PPP1R3F: variants seen among roughly 807,000 people sequenced by gnomAD.
The protein encoded by PPP1R3F is protein phosphatase 1, regulatory (inhibitor) subunit 3F.
PPP1R3F carries 29 observed loss-of-function variants against 24.2 expected under a neutral mutation model. The ratio of observed to expected loss-of-function variants is 1.20; its 90% CI spans 0.89 to 1.63. PPP1R3F has a LOEUF of 1.63. Among genes scored for constraint, PPP1R3F ranks in the 40% most tolerant of loss-of-function variants. The pLI, the probability that PPP1R3F is intolerant of heterozygous loss-of-function variation, is 0.00. For synonymous variants in PPP1R3F, 363 were observed against 340.1 expected (o/e 1.07, Z -0.74); for missense variants, 823 against 729.3 (o/e 1.13, Z -1.48).
At chrX:49,282,443 C>CTGTGTGTGTGTGTGTG (rs545507997) in intron 3 of PPP1R3F, among the ~76,000 whole-genome samples, 2 of 73,950 alleles carry the variant, frequency 2.7e-5, no homozygotes, top group Non-Finnish European at 5.0e-5. Flanking sequence ...GTGAGAGACT[C>CTGTGTGTGTGTGTGTG]TGTGTGTGTG....
rs1224144385 is a variant in PPP1R3F at position 49,270,119 on chromosome X, G to A, written c.250G>A (p.Asp84Asn). 7.7e-6 allele frequency: 8 copies of A among 1,039,080 alleles called. No individual in the cohort carries two copies. The highest frequency in any genetic ancestry group is 9.8e-6 in the Non-Finnish European group (8 of 815,083). The allele number at this position is 1,039,080 out of a possible 1,213,427, so 85.6% of individuals were successfully genotyped here. ...CGGCGGCGGGGCCGACGAGGACGAC[G>A]ATGGCGAGGATGGGGATGAAGGGGA... is the stretch of plus-strand genomic sequence containing the variant. ...GGGGGADEDDDGEDGDEGEEE... is the reference protein window; with the variant it reads ...GGGGGADEDDNGEDGDEGEEE... Residue 84 changes from aspartate to asparagine, a missense_variant, in exon 1 of 4, where the codon GAT becomes AAT. Physicochemically the swap from Asp to Asn is conservative, Grantham distance 23. Coordinates refer to ENST00000055335, the MANE Select transcript of PPP1R3F (RefSeq NM_033215.5).
intron 1 of PPP1R3F, among the ~76,000 whole-genome samples, chrX:49,271,692 A>G (rs781863019): frequency 9.8e-5 from 11 of 112,772 alleles, no homozygotes; most frequent in Non-Finnish European, 1.9e-4. Flanking sequence ...AAGCCTGTGC[A>G]CTCTACTGTT....
At chrX:49,280,670 C>A (rs1170250314) in intron 1 of PPP1R3F, 1 of 110,012 alleles carries the variant, frequency 9.1e-6, no homozygotes, top group Non-Finnish European at 1.9e-5. Context: ...CTCGGCCTCC[C>A]AAGTAGTTGG....
Position 49,270,397 on chromosome X carries a change from G to T in PPP1R3F, c.528G>T (p.Glu176Asp). The change falls in exon 1 of 4, where the codon GAG becomes GAT. Residue 176 changes from glutamate to aspartate, a missense_variant. Coordinates refer to ENST00000055335, the MANE Select transcript of PPP1R3F (RefSeq NM_033215.5). ...TACGCGTGCTGAACCGCTCCTTCGA[G>T]AAGGCGGTGCACGTGCGGGCCTCAC... Reference protein sequence around the residue: ...GLVRVLNRSFEKAVHVRASHD... With the variant: ...GLVRVLNRSFDKAVHVRASHD... 1 of 1,171,307 alleles carries T rather than the reference G, an allele frequency of 8.5e-7. No individual in the cohort carries two copies. Among genetic ancestry groups the T allele is most frequent in the Non-Finnish European group, 1.1e-6 (1 of 881,182 alleles).
intron 3 of PPP1R3F, among the ~76,000 whole-genome samples, chrX:49,293,504 T>C (rs149771508): frequency 0.023 from 2,557 of 111,812 alleles, 25 homozygotes; most frequent in Non-Finnish European, 0.036. Context: ...AATGCATAAG[T>C]AAATTATGCT....
intron 3 of PPP1R3F, among the ~76,000 whole-genome samples, chrX:49,282,767 G>A (rs1476809749): frequency 9.1e-6 from 1 of 109,763 alleles, no homozygotes; most frequent in Admixed American, 9.8e-5. Context: ...AGATTGGGTG[G>A]TGCCTCACAG....
At chrX:49,279,916 A>G (rs1448699275) in intron 1 of PPP1R3F, among the ~76,000 whole-genome samples, 1 of 112,324 alleles carries the variant, frequency 8.9e-6, no homozygotes, top group Non-Finnish European at 1.9e-5. Context: ...GGCTTATGCC[A>G]CTCAGGGATC....
intron 1 of PPP1R3F, among the ~76,000 whole-genome samples, chrX:49,278,484 A>G (rs1323401553): frequency 8.9e-6 from 1 of 112,442 alleles, no homozygotes; most frequent in Non-Finnish European, 1.9e-5. Context: ...TGTGAGACCA[A>G]GCTGGTTTGC....
chrX:49,291,478 C>A (rs1557122373), downstream of PPP1R3F, among the ~76,000 whole-genome samples: 1 of 108,369 alleles, frequency 9.2e-6, no homozygotes, highest in South Asian at 4.1e-4. Context: ...CAGGCATGCA[C>A]CACCATGCCC....
Position 49,285,995 on chromosome X carries a change from A to G in PPP1R3F, c.1305A>G (p.Ser435=). 8.4e-7 allele frequency: 1 copy of G among 1,192,520 alleles called. No individual in the cohort carries two copies. The highest frequency in any genetic ancestry group is 1.8e-5 in the South Asian group (1 of 54,259). ...GTGGCTCCCCCAGAGACCAGGCCTC[A>G]GGGCCCGATGCGAGCGAGGGGGCCA... ...GLGGSPRDQA[S]GPDASEGATG... Residue 435 remains serine, a synonymous_variant, in exon 4 of 4, where the codon TCA becomes TCG. Transcript: ENST00000055335.
rs1403782308 is a variant in PPP1R3F at position 49,286,287 on chromosome X, G to A, written c.1597G>A (p.Asp533Asn). ...SHPLGILTDR[D>N]LILKWPGPER... ...TCCCCTGGGCATACTGACGGACCGC[G>A]ACCTGATCTTGAAGTGGCCTGGCCC... The change falls in exon 4 of 4, where the codon GAC becomes AAC. Residue 533 changes from aspartate (D) to asparagine (N), a missense_variant. Coordinates refer to ENST00000055335, the MANE Select transcript of PPP1R3F (RefSeq NM_033215.5). 2.5e-6 allele frequency: 3 copies of A among 1,211,170 alleles called. No individual in the cohort carries two copies. Among genetic ancestry groups the A allele is most frequent in the East Asian group, 3.0e-5 (1 of 33,818 alleles).
In PPP1R3F at chrX:49,286,137, A is replaced by G; in HGVS notation, c.1447A>G (p.Thr483Ala). The change falls in exon 4 of 4, where the codon ACC (threonine) becomes GCC (alanine). Residue 483 changes from threonine (T) to alanine (A), a missense_variant. By Grantham distance (58) the Thr-to-Ala change is moderately conservative (BLOSUM62 0). Transcript: ENST00000055335. ...SGSEELLGED[T>A]IDQELEQLYL... ...GTCAGAGGAGCTGCTCGGTGAGGAC[A>G]CCATCGACCAGGAGCTGGAGCAGCT... 2 of 1,175,753 alleles carry G rather than the reference A, an allele frequency of 1.7e-6. No individual in the cohort carries two copies. The highest frequency in any genetic ancestry group is 2.3e-6 in the Non-Finnish European group (2 of 875,756).
chrX:49,297,828 C>CTTTTTTTT (rs61353822), intron 3 of PPP1R3F, among the ~76,000 whole-genome samples: 10 of 19,617 alleles, frequency 5.1e-4, no homozygotes, highest in African/African-American at 8.9e-4. Flanking sequence ...GCAACCCCTG[C>CTTTTTTTT]TTTTTTTTTT....
intron 3 of PPP1R3F, among the ~76,000 whole-genome samples, chrX:49,285,044 T>A (rs183752634): frequency 0.038 from 4,216 of 111,567 alleles, 142 homozygotes; most frequent in African/African-American, 0.11. Flanking sequence ...TTATTTTTTT[T>A]AAAATTTTTT....
chrX:49,282,441 CTCTGTGTGTG>C (rs2066254888), intron 3 of PPP1R3F, among the ~76,000 whole-genome samples: 1 of 54,820 alleles, frequency 1.8e-5, no homozygotes, highest in East Asian at 5.9e-4. Flanking sequence ...GGGTGAGAGA[CTCTGTGTGTG>C]TGTGTGTGTG....
chrX:49,297,828 C>CTTTTTTTTTTT (rs61353822), intron 3 of PPP1R3F, among the ~76,000 whole-genome samples: 7 of 19,611 alleles, frequency 3.6e-4, no homozygotes, highest in Admixed American at 1.0e-3. Flanking sequence ...GCAACCCCTG[C>CTTTTTTTTTTT]TTTTTTTTTT....
At chrX:49,281,693 T>G (rs1602710346) in intron 2 of PPP1R3F, among the ~76,000 whole-genome samples, 1 of 107,256 alleles carries the variant, frequency 9.3e-6, no homozygotes, top group Non-Finnish European at 1.9e-5. Context: ...ACGGGCATGC[T>G]GGCATGCATC....
In PPP1R3F at chrX:49,270,396, A is replaced by T; in HGVS notation, c.527A>T (p.Glu176Val). 1 of 1,170,420 alleles carries T rather than the reference A, an allele frequency of 8.5e-7. No homozygotes were observed. The highest frequency in any genetic ancestry group is 1.1e-6 in the Non-Finnish European group (1 of 880,811). ...GLVRVLNRSF[E>V]KAVHVRASHD... ...GTACGCGTGCTGAACCGCTCCTTCGAGAAGGCGGTGCACGTGCGGGCCTCA... is the reference window on the plus strand; with the variant it reads ...GTACGCGTGCTGAACCGCTCCTTCGTGAAGGCGGTGCACGTGCGGGCCTCA... Residue 176 changes from glutamate to valine, a missense_variant, in exon 1 of 4, where the codon GAG becomes GTG. Glu to Val is a moderately radical substitution (Grantham distance 121, BLOSUM62 -2). Coordinates refer to ENST00000055335, the MANE Select transcript of PPP1R3F (RefSeq NM_033215.5).
chrX:49,270,633 A>T lies in PPP1R3F; in HGVS notation c.764A>T (p.Asp255Val), dbSNP rs1557118997. The change falls in exon 1 of 4, where the codon GAT becomes GTT. Residue 255 changes from aspartate (D) to valine (V), a missense_variant. Coordinates refer to ENST00000055335, the MANE Select transcript of PPP1R3F (RefSeq NM_033215.5). ...CTGCCCTTTGCTGAGGGCGCGGGCG[A>T]TGGGGCGCGCCTCGACTTCGTGGTG... ...FQLPFAEGAG[D>V]GARLDFVVRY... 8.3e-7 allele frequency: 1 copy of T among 1,207,277 alleles called. No homozygotes were observed. Among genetic ancestry groups the T allele is most frequent in the African/African-American group, 1.7e-5 (1 of 57,865 alleles).
Sources: allele counts gnomAD v4.1 joint callset (sites outside exome capture counted in the v4.1 genomes callset), GRCh38; gene constraint gnomAD v4.1.1; transcripts MANE v1.5; gene names NCBI Gene and HGNC (gene_info 2026-07-23, HGNC 2026-07-21).